THEMIS: variants seen among roughly 807,000 people sequenced by gnomAD.
THEMIS encodes thymocyte selection associated.
In THEMIS, 37 loss-of-function variants were observed where a neutral mutation model predicts 52.6. That is an observed-to-expected ratio of 0.70 (90% CI 0.54 to 0.93). The LOEUF (loss-of-function observed/expected upper bound fraction) is 0.93, where lower values mean the gene tolerates loss of function less well. Ranked by LOEUF, THEMIS falls within the 40% of genes least tolerant of loss-of-function variation. THEMIS has a pLI of 0.00. For missense variants in THEMIS, 808 were observed against 763.1 expected (o/e 1.06, Z -0.69); for synonymous variants, 292 against 272.7 (o/e 1.07, Z -0.70).
At chr6:127,849,025 C>T (rs1477606631) in intron 2 of THEMIS, among the ~76,000 whole-genome samples, 2 of 152,120 alleles carry the variant, frequency 1.3e-5, no homozygotes, top group African/African-American at 4.8e-5. Flanking sequence ...AATGATATTG[C>T]CTAGGTTTTC....
chr6:127,828,333 A>G (rs1778578972), intron 3 of THEMIS, among the ~76,000 whole-genome samples: 2 of 152,230 alleles, frequency 1.3e-5, no homozygotes, highest in Non-Finnish European at 2.9e-5. Flanking sequence ...GGGGATCGCT[A>G]ACAGACATTA....
At chr6:127,800,000 C>T (rs747203005) in intron 4 of THEMIS, among the ~76,000 whole-genome samples, 1 of 152,108 alleles carries the variant, frequency 6.6e-6, no homozygotes, top group East Asian at 1.9e-4. Context: ...AAATCACAAA[C>T]GTTCTTCATA....
chr6:127,853,247 A>C (rs1322201697), intron 2 of THEMIS, among the ~76,000 whole-genome samples: 3 of 151,590 alleles, frequency 2.0e-5, no homozygotes, highest in Middle Eastern at 3.2e-3. Context: ...GGCACGAAAA[A>C]CTATAGTGAT....
At chr6:127,835,327 G>T (rs1387771447) in intron 2 of THEMIS, among the ~76,000 whole-genome samples, 2 of 152,128 alleles carry the variant, frequency 1.3e-5, no homozygotes, top group Admixed American at 6.5e-5. Flanking sequence ...TTAAGATTAT[G>T]GCTTGACAAT....
intron 4 of THEMIS, among the ~76,000 whole-genome samples, chr6:127,753,464 G>A (rs1346056025): frequency 6.6e-6 from 1 of 151,858 alleles, no homozygotes; most frequent in Non-Finnish European, 1.5e-5. Flanking sequence ...GTATGTGAAA[G>A]ATCTGTACAC....
rs1774813347 is a variant in THEMIS at position 127,731,864 on chromosome 6, A to ATATTTTTT, written c.1759-12042_1759-12041insAAAAAATA. ...AGGTGCATGCCACCATGCCCGGCTA[A>ATATTTTTT]TTTTTTTTTTTTTTTTTTTTTTTAG... On this transcript the variant is annotated intron_variant, in intron 4 of 5. Coordinates refer to ENST00000368248, the MANE Select transcript of THEMIS (RefSeq NM_001010923.3). Among the ~76,000 whole-genome samples, 35 of 41,730 alleles carry ATATTTTTT rather than the reference A, an allele frequency of 8.4e-4. 2 individuals are homozygous for ATATTTTTT. In the South Asian group the frequency reaches 0.054, roughly 65 times the overall value. 27.4% of individuals were successfully genotyped at this position (41,730 alleles called of 152,430 possible). A position where few individuals can be genotyped will look rare whatever the true frequency, so the allele number is the denominator to read the frequency against.
At chr6:127,855,005 G>A in intron 2 of THEMIS, 25 bp downstream of exon 2, 1 of 1,571,744 alleles carries the variant, frequency 6.4e-7, no homozygotes, top group Non-Finnish European at 8.6e-7. Flanking sequence ...TTGTACAAAT[G>A]ATAAGTGGTT....
chr6:127,756,601 A>G (rs1775834972), intron 4 of THEMIS, among the ~76,000 whole-genome samples: 1 of 152,200 alleles, frequency 6.6e-6, no homozygotes, highest in Admixed American at 6.5e-5. Context: ...TACGAATATG[A>G]CAGCTACTGT....
At chr6:127,720,883 G>T (rs1427176784) in intron 4 of THEMIS, among the ~76,000 whole-genome samples, 2 of 151,270 alleles carry the variant, frequency 1.3e-5, no homozygotes, top group African/African-American at 4.9e-5. Context: ...GATTTCTTAA[G>T]ATTTTTAATG....
chr6:127,911,356 T>A (rs1380595564), intron 1 of THEMIS, among the ~76,000 whole-genome samples: 1 of 150,688 alleles, frequency 6.6e-6, no homozygotes, highest in Non-Finnish European at 1.5e-5. Context: ...CTTCATTTAT[T>A]TATTTATTTA....
At chr6:127,909,785 G>C (rs1781365325) in intron 1 of THEMIS, 1 of 152,164 alleles carries the variant, frequency 6.6e-6, no homozygotes, top group Admixed American at 6.6e-5. Context: ...GATGGGTGCA[G>C]GTTGGTCAGG....
At chr6:127,831,358 C>A (rs917480784) in intron 2 of THEMIS, among the ~76,000 whole-genome samples, 19 of 151,912 alleles carry the variant, frequency 1.3e-4, no homozygotes, top group African/African-American at 4.6e-4. Flanking sequence ...TTAATAAATT[C>A]CAGAGAAAAT....
Position 127,756,433 on chromosome 6 carries a change from G to T in THEMIS, c.1759-36610C>A, listed in dbSNP as rs1189804296. ...GGCTGTATACATATTTCCTCTAAAC[G>T]CTACTTTTGATAGGATAATAATAAA... On this transcript the variant is annotated intron_variant, in intron 4 of 5. Transcript: ENST00000368248. Among the ~76,000 whole-genome samples the T allele has an allele frequency of 2.0e-5, 3 of 151,982 alleles. No individual in the cohort carries two copies. In the East Asian group the frequency reaches 5.8e-4, roughly 29 times the overall value.
chr6:127,794,380 C>T (rs1462958450), intron 4 of THEMIS, among the ~76,000 whole-genome samples: 3 of 151,976 alleles, frequency 2.0e-5, no homozygotes, highest in African/African-American at 7.3e-5. Context: ...AAAATTAAGC[C>T]AAGATTACTA....
At chr6:127,732,429 A>G (rs978050616) in intron 4 of THEMIS, among the ~76,000 whole-genome samples, 2 of 152,170 alleles carry the variant, frequency 1.3e-5, no homozygotes, top group African/African-American at 2.4e-5. Context: ...CATGAAATGC[A>G]CAAATACTAA....
intron 4 of THEMIS, among the ~76,000 whole-genome samples, chr6:127,775,701 T>C (rs897833637): frequency 6.6e-6 from 1 of 152,192 alleles, no homozygotes. Flanking sequence ...GTTTTGCCTT[T>C]CTGTAATTTA....
chr6:127,879,143 G>A (rs1780401282), intron 1 of THEMIS, among the ~76,000 whole-genome samples: 1 of 152,188 alleles, frequency 6.6e-6, no homozygotes, highest in Non-Finnish European at 1.5e-5. Context: ...AGAGGAAAAT[G>A]TTCTCTGAGG....
chr6:127,862,983 C>T (rs1263919641), intron 1 of THEMIS, among the ~76,000 whole-genome samples: 1 of 152,104 alleles, frequency 6.6e-6, no homozygotes, highest in Non-Finnish European at 1.5e-5. Context: ...TTTCTTTAAG[C>T]ACCCTTGGCT....
At chr6:127,917,175 C>T (rs1011970767) in intron 1 of THEMIS, among the ~76,000 whole-genome samples, 3 of 152,154 alleles carry the variant, frequency 2.0e-5, no homozygotes, top group African/African-American at 7.2e-5. Context: ...CCGAGTCTCA[C>T]AAACTATAGC....
Sources: gnomAD v4.1 joint callset for allele counts (sites outside exome capture counted in the v4.1 genomes callset) on GRCh38, gnomAD v4.1.1 for gene constraint, MANE v1.5 for transcripts, NCBI Gene and HGNC (gene_info 2026-07-23, HGNC 2026-07-21) for gene names.